SPAG16: variants seen among roughly 807,000 people sequenced by gnomAD.
The protein encoded by SPAG16 is sperm-associated antigen 16 protein.
SPAG16 carries 86 observed loss-of-function variants against 80.4 expected under a neutral mutation model. The ratio of observed to expected loss-of-function variants is 1.07; its 90% CI spans 0.90 to 1.28. The LOEUF is 1.28. Ranked by LOEUF, SPAG16 falls within the 50% of genes most tolerant of loss-of-function variation. The pLI, the probability that SPAG16 is intolerant of heterozygous loss-of-function variation, is 0.00. For missense variants in SPAG16, 870 were observed against 765.3 expected, an observed-to-expected ratio of 1.14 and a Z score of -1.61; for synonymous variants, 294 against 265.9, an observed-to-expected ratio of 1.11 and a Z score of -1.03.
intron 15 of SPAG16, among the ~76,000 whole-genome samples, chr2:214,308,716 C>A (rs1201255428): frequency 6.6e-6 from 1 of 151,982 alleles, no homozygotes; most frequent in Non-Finnish European, 1.5e-5. Context: ...ATATTGGCCC[C>A]CATTCTCTTC....
chr2:214,013,544 T>C (rs907639589), intron 12 of SPAG16, among the ~76,000 whole-genome samples: 20 of 152,148 alleles, frequency 1.3e-4, no homozygotes, highest in Non-Finnish European at 2.6e-4. Context: ...CTCAGGTGAT[T>C]CTAATATATA....
intron 8 of SPAG16, 195 bp downstream of exon 8, chr2:213,364,340 A>G (rs377205415): frequency 3.4e-4 from 101 of 294,548 alleles, no homozygotes; most frequent in African/African-American, 2.0e-3. Flanking sequence ...AAACAAGTCA[A>G]CTATAATGGA....
chr2:213,529,926 A>G (rs189445136), intron 10 of SPAG16, among the ~76,000 whole-genome samples: 3 of 152,318 alleles, frequency 2.0e-5, no homozygotes, highest in Admixed American at 1.3e-4. Context: ...TAAGACTCAA[A>G]TACACACATT....
intron 15 of SPAG16, among the ~76,000 whole-genome samples, chr2:214,224,825 T>C (rs2058663616): frequency 6.6e-6 from 1 of 152,146 alleles, no homozygotes; most frequent in Non-Finnish European, 1.5e-5. Context: ...AAACAGAGTA[T>C]GCAGCCAAGA....
At chr2:213,312,150 G>T (rs927552621) in intron 4 of SPAG16, among the ~76,000 whole-genome samples, 71 of 151,748 alleles carry the variant, frequency 4.7e-4, no homozygotes, top group African/African-American at 1.7e-3. Context: ...CAACAGGAGA[G>T]ATATGGCCTG....
intron 10 of SPAG16, among the ~76,000 whole-genome samples, chr2:213,686,396 A>G (rs1448331670): frequency 5.9e-5 from 9 of 151,814 alleles, no homozygotes; most frequent in African/African-American, 1.2e-4. Flanking sequence ...GATTACAGGC[A>G]TGAGCCAAAG....
At chr2:213,427,248 A>G (rs1553523779) in intron 9 of SPAG16, among the ~76,000 whole-genome samples, 1 of 152,184 alleles carries the variant, frequency 6.6e-6, no homozygotes, top group Non-Finnish European at 1.5e-5. Flanking sequence ...TCCTTAATCT[A>G]AAGCTAACTT....
At chr2:213,398,484 T>C (rs1184637549) in intron 9 of SPAG16, among the ~76,000 whole-genome samples, 6 of 152,198 alleles carry the variant, frequency 3.9e-5, no homozygotes, top group African/African-American at 9.6e-5. Flanking sequence ...CTACAAATTC[T>C]ACTTATTTAT....
chr2:213,483,360 T>G (rs891891747), intron 9 of SPAG16, among the ~76,000 whole-genome samples: 15 of 152,214 alleles, frequency 9.9e-5, no homozygotes, highest in African/African-American at 3.6e-4. Context: ...TTTAACATAA[T>G]TGATACATAT....
At chr2:214,338,939 C>A (rs758091437) in intron 15 of SPAG16, among the ~76,000 whole-genome samples, 2 of 152,124 alleles carry the variant, frequency 1.3e-5, no homozygotes, top group Non-Finnish European at 2.9e-5. Context: ...GCATCCAGTT[C>A]AATGTTTTAT....
chr2:213,943,176 AACTG>A (rs2079284143), intron 12 of SPAG16, among the ~76,000 whole-genome samples: 1 of 152,188 alleles, frequency 6.6e-6, no homozygotes, highest in South Asian at 2.1e-4. Context: ...TAACAGCCCA[AACTG>A]ACTAAGATAG....
intron 15 of SPAG16, among the ~76,000 whole-genome samples, chr2:214,224,192 T>C (rs1028608309): frequency 6.6e-6 from 1 of 152,174 alleles, no homozygotes; most frequent in African/African-American, 2.4e-5. Flanking sequence ...TTAAGACTCC[T>C]GTTTCCTTGG....
intron 15 of SPAG16, among the ~76,000 whole-genome samples, chr2:214,300,025 T>C (rs532936831): frequency 1.3e-5 from 2 of 152,320 alleles, no homozygotes; most frequent in African/African-American, 4.8e-5. Context: ...TCTGAAAATA[T>C]GTCATTTTAG....
At chr2:213,551,581 T>C (rs1386427671) in intron 10 of SPAG16, among the ~76,000 whole-genome samples, 1 of 152,184 alleles carries the variant, frequency 6.6e-6, no homozygotes, top group Non-Finnish European at 1.5e-5. Context: ...CAGGTTTCTA[T>C]TCAGATCTTT....
chr2:213,459,015 T>G (rs2072203360), intron 9 of SPAG16, among the ~76,000 whole-genome samples: 1 of 152,238 alleles, frequency 6.6e-6, no homozygotes, highest in Non-Finnish European at 1.5e-5. Flanking sequence ...TTCTTCGTCA[T>G]TTTCTCTCTT....
chr2:213,750,684 T>C (rs967445698), intron 10 of SPAG16, among the ~76,000 whole-genome samples: 2 of 152,206 alleles, frequency 1.3e-5, no homozygotes, highest in Admixed American at 6.5e-5. Flanking sequence ...CTAGGACCAC[T>C]TGAAGCTTGA....
At chr2:214,339,840 G>C (rs11897203) in intron 15 of SPAG16, among the ~76,000 whole-genome samples, 4 of 151,928 alleles carry the variant, frequency 2.6e-5, no homozygotes, top group Non-Finnish European at 5.9e-5. Flanking sequence ...GGGTTTTGTA[G>C]ATGTCATTTA....
chr2:213,825,125 G>A (rs1487721420), intron 10 of SPAG16, among the ~76,000 whole-genome samples: 2 of 151,920 alleles, frequency 1.3e-5, no homozygotes, highest in African/African-American at 4.8e-5. Flanking sequence ...TGGTGTTTTG[G>A]TGGAGTCTTG....
At chr2:214,105,732 C>A (rs1349143598) in intron 13 of SPAG16, among the ~76,000 whole-genome samples, 1 of 151,956 alleles carries the variant, frequency 6.6e-6, no homozygotes, top group Non-Finnish European at 1.5e-5. Context: ...GAAGAGATTC[C>A]AAATTTTAAT....
Sources: allele counts gnomAD v4.1 joint callset (sites outside exome capture counted in the v4.1 genomes callset), GRCh38; gene constraint gnomAD v4.1.1; transcripts MANE v1.5; gene names NCBI Gene and HGNC (gene_info 2026-07-23, HGNC 2026-07-21).